The following EGFL6 variants were observed in gnomAD, a reference collection of about 807,000 sequenced individuals.
The protein encoded by EGFL6 is epidermal growth factor-like protein 6.
Under a neutral mutation model 43.1 loss-of-function variants are expected in EGFL6, and 42 were observed. The ratio of observed to expected loss-of-function variants is 0.98; its 90% confidence interval spans 0.76 to 1.26. The LOEUF (loss-of-function observed/expected upper bound fraction) is 1.26, where lower values mean the gene tolerates loss of function less well. EGFL6 is among the 50% of genes most tolerant of loss of function. The pLI, the probability that EGFL6 is intolerant of heterozygous loss-of-function variation, is 0.00. For missense variants in EGFL6, 429 were observed against 427.8 expected (o/e 1.00, Z -0.02); for synonymous variants, 164 against 163.2 (o/e 1.01, Z -0.04).
At chrX:13,599,481 A>T (rs915747908) in intron 3 of EGFL6, among the ~76,000 whole-genome samples, 1 of 111,011 alleles carries the variant, frequency 9.0e-6, no homozygotes, top group Non-Finnish European at 1.9e-5. Context: ...CTTCCACTCA[A>T]TATCATGTTT....
At chrX:13,601,431 C>T (rs763162474) in intron 4 of EGFL6, among the ~76,000 whole-genome samples, 2 of 111,735 alleles carry the variant, frequency 1.8e-5, no homozygotes, top group African/African-American at 3.3e-5. Context: ...ACCCACCCTC[C>T]CTGCCTGCCT....
intron 1 of EGFL6, among the ~76,000 whole-genome samples, chrX:13,582,263 A>G (rs543197104): frequency 2.1e-4 from 23 of 109,461 alleles, no homozygotes; most frequent in African/African-American, 5.7e-4. Flanking sequence ...GGGTTTCACC[A>G]TGTTAGCCAG....
At position 13,617,854 on chromosome X, in the gene EGFL6, A is replaced by G. The variant is rs140606406; in HGVS notation, c.903A>G (p.Pro301=). 4.5e-5 allele frequency: 55 copies of G among 1,209,614 alleles called. No individual in the cohort carries two copies. Among genetic ancestry groups the G allele is most frequent in the Non-Finnish European group, 6.0e-5 (54 of 895,193 alleles). The change falls in exon 8 of 12, where the codon CCA becomes CCG. Residue 301 remains proline, a synonymous_variant. Coordinates refer to ENST00000361306, the MANE Select transcript of EGFL6 (RefSeq NM_015507.4). The part of the protein sequence containing the change: ...KKKAKIKNVT[P]EPTRTPTPKV... Reference sequence around the variant, plus strand: ...AGGCAAAAATTAAAAATGTTACCCCAGAACCCACCAGGACTCCTACCCCTA... The same window carrying G: ...AGGCAAAAATTAAAAATGTTACCCCGGAACCCACCAGGACTCCTACCCCTA...
intron 10 of EGFL6, among the ~76,000 whole-genome samples, chrX:13,625,898 A>AAAG (rs1555958206): frequency 5.0e-5 from 2 of 39,651 alleles, no homozygotes; most frequent in South Asian, 1.6e-3. Flanking sequence ...AAAAAAAAAA[A>AAAG]AAAAAGAAAA....
intron 2 of EGFL6, among the ~76,000 whole-genome samples, chrX:13,590,893 C>T (rs2146966786): frequency 9.0e-6 from 1 of 111,534 alleles, no homozygotes; most frequent in South Asian, 3.8e-4. Flanking sequence ...GGGTCCTCAT[C>T]CTGATTGGAT....
chrX:13,633,352 C>T lies in EGFL6; in HGVS notation c.*257C>T. 1 of 253,002 alleles carries T rather than the reference C, an allele frequency of 4.0e-6. No homozygotes were observed. The highest frequency in any genetic ancestry group is 6.8e-6 in the Non-Finnish European group (1 of 146,205). 20.9% of individuals were successfully genotyped at this position (253,002 alleles called of 1,213,427 possible). On this transcript the variant is annotated 3_prime_UTR_variant, in exon 12 of 12. Transcript: ENST00000361306. ...TGGAAATGTCAGTTTATCTCCCCTCCTCAGTATATCTGATTTGTATAAGTA... is the reference window on the plus strand; with the variant it reads ...TGGAAATGTCAGTTTATCTCCCCTCTTCAGTATATCTGATTTGTATAAGTA...
chrX:13,586,254 A>G (rs976058438), intron 1 of EGFL6, among the ~76,000 whole-genome samples: 1 of 112,054 alleles, frequency 8.9e-6, no homozygotes, highest in African/African-American at 3.2e-5. Flanking sequence ...AGTGCTGGTG[A>G]GGATGTGGAG....
intron 2 of EGFL6, among the ~76,000 whole-genome samples, chrX:13,594,525 G>C (rs2045585664): frequency 8.9e-6 from 1 of 112,242 alleles, no homozygotes; most frequent in Non-Finnish European, 1.9e-5. Context: ...CGAGGCAAGA[G>C]ACAGAAGGAA....
At chrX:13,600,280 C>CTTCTTTTTTTTTTTTTTTT (rs1326551826) in intron 4 of EGFL6, among the ~76,000 whole-genome samples, 186 bp downstream of exon 4, 19 of 44,271 alleles carry the variant, frequency 4.3e-4, no homozygotes, top group Non-Finnish European at 5.6e-4. Flanking sequence ...TTTCTTTCTT[C>CTTCTTTTTTTTTTTTTTTT]TTTTTTTTTT....
chrX:13,624,684 C>G (rs987177260), intron 10 of EGFL6, among the ~76,000 whole-genome samples: 2 of 111,842 alleles, frequency 1.8e-5, no homozygotes, highest in Non-Finnish European at 3.8e-5. Flanking sequence ...ACTCCAGTTA[C>G]TTATCAATCA....
At chrX:13,602,174 C>G (rs150985100) in intron 4 of EGFL6, among the ~76,000 whole-genome samples, 2,470 of 110,945 alleles carry the variant, frequency 0.022, 31 homozygotes, top group Non-Finnish European at 0.033. Context: ...CTCCTGGATG[C>G]TGATTGGATT....
intron 7 of EGFL6, among the ~76,000 whole-genome samples, chrX:13,609,466 G>A (rs749033232): frequency 8.9e-6 from 1 of 111,940 alleles, no homozygotes; most frequent in South Asian, 3.7e-4. Flanking sequence ...AGTCATCCAG[G>A]TTCGGCTGGG....
intron 11 of EGFL6, among the ~76,000 whole-genome samples, chrX:13,631,501 G>C: frequency 9.0e-6 from 1 of 111,336 alleles, no homozygotes; most frequent in East Asian, 2.8e-4. Context: ...ATTCATTCAG[G>C]CCGGGCGCAG....
chrX:13,582,597 G>A (rs144972407), intron 1 of EGFL6, among the ~76,000 whole-genome samples: 2,019 of 111,029 alleles, frequency 0.018, 42 homozygotes, highest in East Asian at 0.062. Context: ...CACTTTATAC[G>A]ACATCAAAAA....
intron 7 of EGFL6, among the ~76,000 whole-genome samples, chrX:13,617,488 A>G (rs930946925): frequency 3.6e-5 from 4 of 112,400 alleles, no homozygotes; most frequent in African/African-American, 1.3e-4. Flanking sequence ...GTGTTTCACT[A>G]AAGTGGTCTC....
chrX:13,626,638 C>T (rs908970779), intron 10 of EGFL6, among the ~76,000 whole-genome samples: 2 of 111,923 alleles, frequency 1.8e-5, no homozygotes. Flanking sequence ...TGGGGAAGTG[C>T]ATTCTAAGTT....
rs182344300 is a variant in EGFL6 at position 13,597,984 on chromosome X, G to A, written c.281-1991G>A. ...TAACGTTGAGGGAGTGGTCCAGTTG[G>A]ATCAAGTTTTGAGGCAGTCTGTTTT... On this transcript the variant is annotated intron_variant, in intron 3 of 11. Coordinates refer to ENST00000361306, the MANE Select transcript of EGFL6 (RefSeq NM_015507.4). 2.6e-4 allele frequency among the ~76,000 whole-genome samples: 29 copies of A among 112,031 alleles called. No homozygotes were observed. In the Admixed American group the frequency reaches 2.7e-3, roughly 11 times the overall value.
intron 7 of EGFL6, among the ~76,000 whole-genome samples, chrX:13,614,052 G>A (rs891359867): frequency 4.5e-5 from 5 of 111,912 alleles, no homozygotes; most frequent in African/African-American, 6.5e-5. Context: ...CTTAGTAATC[G>A]ATGTGTGTTC....
chrX:13,579,090 G>A (rs1271607836), intron 1 of EGFL6, among the ~76,000 whole-genome samples: 1 of 110,694 alleles, frequency 9.0e-6, no homozygotes, highest in Non-Finnish European at 1.9e-5. Context: ...AAAAGGGCTT[G>A]GAGTCTTTTA....
Sources: gnomAD v4.1 joint callset for allele counts (sites outside exome capture counted in the v4.1 genomes callset) on GRCh38, gnomAD v4.1.1 for gene constraint, MANE v1.5 for transcripts, NCBI Gene and HGNC (gene_info 2026-07-23, HGNC 2026-07-21) for gene names.